The following KCNN3 variants were observed in gnomAD, a reference collection of about 807,000 sequenced individuals.
KCNN3 encodes the protein potassium calcium-activated channel subfamily N member 3.
In KCNN3, 16 loss-of-function variants were observed where a neutral mutation model predicts 62.9. The ratio of observed to expected loss-of-function variants is 0.25; its 90% CI spans 0.17 to 0.39. The LOEUF (loss-of-function observed/expected upper bound fraction) is 0.39. KCNN3 is among the 10% of genes least tolerant of loss of function. KCNN3 has a pLI of 1.00. For synonymous variants in KCNN3, 370 were observed against 389.2 expected (o/e 0.95, Z 0.58); for missense variants, 599 against 949.4 (o/e 0.63, Z 4.85).
rs997565872 is a variant in KCNN3, at chr1:154,702,768, A to G, written c.*5208T>C. On this transcript the variant is annotated 3_prime_UTR_variant, in exon 8 of 8. Coordinates refer to ENST00000271915, the MANE Select transcript of KCNN3 (RefSeq NM_002249.6). ...ATATATGTACTTTTTCTTTTTGGCT[A>G]TAAATGTCAACATCTCTTTGGGATC... The G allele has an allele frequency of 2.2e-5, 3 of 139,034 alleles. No individual in the cohort carries two copies. The highest frequency in any genetic ancestry group is 3.1e-5 in the Non-Finnish European group (2 of 64,738). The allele number at this position is 139,034 out of a possible 1,614,324, so 8.6% of individuals were successfully genotyped here. A position where few individuals can be genotyped will look rare whatever the true frequency, so the allele number is the denominator to read the frequency against.
intron 3 of KCNN3, among the ~76,000 whole-genome samples, chr1:154,758,005 T>A (rs1647809703): frequency 6.6e-6 from 1 of 152,212 alleles, no homozygotes. Context: ...CACGCTCACA[T>A]CTTCCCAGAG....
intron 1 of KCNN3, among the ~76,000 whole-genome samples, chr1:154,853,777 C>T (rs1652403951): frequency 6.6e-6 from 1 of 151,840 alleles, no homozygotes; most frequent in South Asian, 2.1e-4. Context: ...AACCCAGTAT[C>T]TACTAAAAAT....
intron 3 of KCNN3, among the ~76,000 whole-genome samples, chr1:154,752,641 C>T (rs1470507131): frequency 6.7e-6 from 1 of 149,244 alleles, no homozygotes; most frequent in East Asian, 2.0e-4. Flanking sequence ...AATGAATGGC[C>T]ATGAACGAAG....
At chr1:154,722,575 G>A (rs948952613) in intron 5 of KCNN3, among the ~76,000 whole-genome samples, 1 of 150,700 alleles carries the variant, frequency 6.6e-6, no homozygotes, top group Non-Finnish European at 1.5e-5. Context: ...TTTTTTTTTA[G>A]TAGAGACAGC....
chr1:154,742,782 T>C (rs796260649), intron 3 of KCNN3, among the ~76,000 whole-genome samples: 1 of 152,218 alleles, frequency 6.6e-6, no homozygotes, highest in African/African-American at 2.4e-5. Context: ...ACGGGCTCCA[T>C]CAGCCTTCAG....
intron 1 of KCNN3, among the ~76,000 whole-genome samples, chr1:154,843,979 G>T (rs753594329): frequency 6.6e-6 from 1 of 152,208 alleles, no homozygotes; most frequent in Non-Finnish European, 1.5e-5. Context: ...AAAGTAGGAG[G>T]GGGGGCTGCA....
intron 1 of KCNN3, among the ~76,000 whole-genome samples, chr1:154,861,817 C>G (rs573369728): frequency 3.9e-5 from 6 of 152,186 alleles, no homozygotes; most frequent in African/African-American, 1.4e-4. Context: ...AATCAGATTG[C>G]GAAGCCTCGG....
At chr1:154,713,395 T>G (rs974845400) in intron 7 of KCNN3, 69 bp downstream of exon 7, 6 of 1,328,348 alleles carry the variant, frequency 4.5e-6, no homozygotes, top group Non-Finnish European at 6.5e-6. Flanking sequence ...CAGCCAGGAC[T>G]CACAGGTGAG....
chr1:154,862,071 C>T lies in KCNN3; in HGVS notation c.933+6961G>A, dbSNP rs919027114. ...AAGAATGAAAAAGAAACTTCTAGAA[C>T]CAGGAATGGAGAAGCCCTTCGAGGT... On this transcript the variant is annotated intron_variant, in intron 1 of 7. Transcript: ENST00000271915. This position sits in a 1 kb window ranked among gnomAD's most constrained non-coding sequence, Gnocchi z 4.1. Among the ~76,000 whole-genome samples the T allele has an allele frequency of 2.0e-5, 3 of 152,240 alleles. No homozygotes were observed. The highest frequency in any genetic ancestry group is 4.4e-5 in the Non-Finnish European group (3 of 68,016).
intron 1 of KCNN3, among the ~76,000 whole-genome samples, chr1:154,866,697 G>A (rs991467401): frequency 3.3e-5 from 5 of 152,252 alleles, no homozygotes; most frequent in African/African-American, 7.2e-5. Context: ...CCAGCCCCAA[G>A]GCACACAGGA....
At chr1:154,732,551 C>T in intron 4 of KCNN3, among the ~76,000 whole-genome samples, 1 of 152,228 alleles carries the variant, frequency 6.6e-6, no homozygotes, top group South Asian at 2.1e-4. Context: ...AGTGCTCTTT[C>T]CCCAGTCCCT....
intron 1 of KCNN3, among the ~76,000 whole-genome samples, chr1:154,854,152 G>A (rs557911289): frequency 3.3e-5 from 5 of 151,082 alleles, no homozygotes; most frequent in African/African-American, 7.3e-5. Context: ...GGAGGATAGC[G>A]TGAACCCGGG....
In KCNN3 at chr1:154,856,442, G is replaced by A. The variant is rs76024980; in HGVS notation, c.933+12590C>T. ...GCGTAGCTTTCTTCCAGTTCTCTCC[G>A]AAATTCCATCTGGTGCTCACGACCT... is the stretch of plus-strand genomic sequence containing the variant. On this transcript the variant is annotated intron_variant, in intron 1 of 7. Coordinates refer to ENST00000271915, the MANE Select transcript of KCNN3 (RefSeq NM_002249.6). 9.2e-3 allele frequency among the ~76,000 whole-genome samples: 1,405 copies of A among 152,268 alleles called. 6 individuals are homozygous for A. Among genetic ancestry groups the A allele is most frequent in the South Asian group, 0.017 (84 of 4,822 alleles).
intron 2 of KCNN3, among the ~76,000 whole-genome samples, chr1:154,808,317 G>T (rs1342565315): frequency 6.6e-6 from 1 of 150,834 alleles, no homozygotes; most frequent in Non-Finnish European, 1.5e-5. Context: ...CTCCCATTCC[G>T]CAGAGCCCTG....
intron 3 of KCNN3, 150 bp from the exon 4 acceptor site, chr1:154,733,294 G>A (rs2101792927): frequency 1.2e-6 from 1 of 847,368 alleles, no homozygotes; most frequent in Middle Eastern, 3.4e-4. Context: ...TTAGGCTACT[G>A]AAGGGGCTGC....
chr1:154,767,426 A>G (rs1648347419), intron 3 of KCNN3, among the ~76,000 whole-genome samples: 1 of 152,184 alleles, frequency 6.6e-6, no homozygotes, highest in Admixed American at 6.5e-5. Context: ...CAGTAAGGTC[A>G]TTTATAAAGC....
chr1:154,767,200 G>A (rs974363783), intron 3 of KCNN3, among the ~76,000 whole-genome samples: 3 of 152,114 alleles, frequency 2.0e-5, no homozygotes, highest in African/African-American at 4.8e-5. Context: ...GAAAGAATGG[G>A]CCACAAATTG....
At chr1:154,743,439 G>C (rs1292784206) in intron 3 of KCNN3, among the ~76,000 whole-genome samples, 1 of 152,170 alleles carries the variant, frequency 6.6e-6, no homozygotes, top group Non-Finnish European at 1.5e-5. Context: ...GGGCCTCTCT[G>C]AGCCCATCTC....
rs1486335176 is a variant in KCNN3, at chr1:154,705,128, T to C, written c.*2848A>G. On this transcript the variant is annotated 3_prime_UTR_variant, in exon 8 of 8. Transcript: ENST00000271915. Reference sequence around the variant, plus strand: ...CCTCCTCCACCACAAAACTTGAAAATAAGGTACAAGAAGGCATGACATGAG... The same window carrying C: ...CCTCCTCCACCACAAAACTTGAAAACAAGGTACAAGAAGGCATGACATGAG... The C allele has an allele frequency of 6.6e-6, 1 of 152,072 alleles. No homozygotes were observed. The highest frequency in any genetic ancestry group is 1.5e-5 in the Non-Finnish European group (1 of 68,026). 9.4% of individuals were successfully genotyped at this position (152,072 alleles called of 1,614,324 possible). A position where few individuals can be genotyped will look rare whatever the true frequency, so the allele number is the denominator to read the frequency against.
Sources: allele counts gnomAD v4.1 joint callset (sites outside exome capture counted in the v4.1 genomes callset), GRCh38; gene constraint gnomAD v4.1.1; non-coding constraint Gnocchi (gnomAD v3.1); transcripts MANE v1.5; gene names NCBI Gene and HGNC (gene_info 2026-07-23, HGNC 2026-07-21).